The following CDK6 variants were observed in gnomAD, a reference collection of about 807,000 sequenced individuals.
CDK6 encodes cyclin-dependent kinase 6.
Under a neutral mutation model 37.1 loss-of-function variants are expected in CDK6, and 6 were observed. That is an observed-to-expected ratio of 0.16 (90% CI 0.09 to 0.32). The LOEUF (loss-of-function observed/expected upper bound fraction) is 0.32, where lower values mean the gene tolerates loss of function less well. CDK6 is among the 10% of genes least tolerant of loss of function. The pLI is 1.00. For synonymous variants in CDK6, 160 were observed against 161.3 expected, an observed-to-expected ratio of 0.99 and a Z score of 0.06; for missense variants, 224 against 418.9, an observed-to-expected ratio of 0.53 and a Z score of 4.06.
chr7:92,627,296 T>C (rs1321519361), intron 5 of CDK6, among the ~76,000 whole-genome samples: 1 of 152,012 alleles, frequency 6.6e-6, no homozygotes, highest in Admixed American at 6.6e-5. Context: ...GACTAGGGGA[T>C]TTGAGGGAAC....
At chr7:92,795,758 T>C (rs1339231178) in intron 2 of CDK6, among the ~76,000 whole-genome samples, 1 of 152,178 alleles carries the variant, frequency 6.6e-6, no homozygotes, top group Admixed American at 6.6e-5. Flanking sequence ...GATTTTAATA[T>C]CCAGATAGTT....
Position 92,606,576 on chromosome 7 carries a change from T to C in CDK6, c.*8564A>G. ...AGATGAGTATCTGATATACACAATTTCTACATTTCTAGAACCATGATTTCA... is the reference window on the plus strand; with the variant it reads ...AGATGAGTATCTGATATACACAATTCCTACATTTCTAGAACCATGATTTCA... On this transcript the variant is annotated 3_prime_UTR_variant, in exon 8 of 8. Coordinates refer to ENST00000424848, the MANE Select transcript of CDK6 (RefSeq NM_001145306.2). The C allele has an allele frequency of 2.1e-5, 5 of 233,276 alleles. No individual in the cohort carries two copies. The highest frequency in any genetic ancestry group is 4.2e-5 in the Non-Finnish European group (5 of 118,040). 14.5% of individuals were successfully genotyped at this position (233,276 alleles called of 1,614,324 possible). A position where few individuals can be genotyped will look rare whatever the true frequency, so the allele number is the denominator to read the frequency against.
intron 4 of CDK6, among the ~76,000 whole-genome samples, chr7:92,680,805 G>C (rs1485150233): frequency 6.6e-6 from 1 of 152,114 alleles, no homozygotes; most frequent in Non-Finnish European, 1.5e-5. Flanking sequence ...GTCTCTGCAG[G>C]TCCAGATCCT....
intron 2 of CDK6, among the ~76,000 whole-genome samples, chr7:92,814,094 A>G (rs1332851829): frequency 1.3e-5 from 2 of 152,208 alleles, no homozygotes; most frequent in African/African-American, 2.4e-5. Flanking sequence ...GTTTCCCTTA[A>G]GAAAAATCAA....
chr7:92,721,740 A>G (rs1340409828), intron 4 of CDK6, among the ~76,000 whole-genome samples: 1 of 152,216 alleles, frequency 6.6e-6, no homozygotes, highest in Non-Finnish European at 1.5e-5. Context: ...TACAGCTACA[A>G]CTATGGTCCA....
intron 5 of CDK6, among the ~76,000 whole-genome samples, chr7:92,656,133 A>T (rs534580313): frequency 9.8e-4 from 149 of 152,296 alleles, no homozygotes; most frequent in Non-Finnish European, 1.8e-3. Flanking sequence ...AAGGAGGAGA[A>T]CAGGAGCGTG....
chr7:92,752,146 C>T (rs73710472), intron 3 of CDK6, among the ~76,000 whole-genome samples: 2,327 of 152,220 alleles, frequency 0.015, 52 homozygotes, highest in African/African-American at 0.053. Flanking sequence ...AAAATAAGGA[C>T]AGTGCTGCTT....
At chr7:92,628,027 T>A (rs557613392) in intron 5 of CDK6, among the ~76,000 whole-genome samples, 1 of 152,262 alleles carries the variant, frequency 6.6e-6, no homozygotes, top group East Asian at 1.9e-4. Flanking sequence ...TTACCATATA[T>A]TCAATCAAGT....
At chr7:92,701,726 A>C (rs1389583579) in intron 4 of CDK6, 1 of 152,440 alleles carries the variant, frequency 6.6e-6, no homozygotes, top group East Asian at 1.9e-4. Context: ...GGAATGCTTC[A>C]CGAATTTGCG....
At chr7:92,793,818 CAG>C (rs560239377) in intron 2 of CDK6, among the ~76,000 whole-genome samples, 188 of 151,774 alleles carry the variant, frequency 1.2e-3, no homozygotes, top group African/African-American at 4.3e-3. Context: ...TCTACAGAAA[CAG>C]AAAGTAGATT....
chr7:92,830,661 GTCA>G (rs1801453211), intron 2 of CDK6, among the ~76,000 whole-genome samples: 1 of 152,186 alleles, frequency 6.6e-6, no homozygotes, highest in African/African-American at 2.4e-5. Flanking sequence ...GGCCAAGCAA[GTCA>G]TGGGGACCAA....
At chr7:92,705,395 T>C (rs1276517461) in intron 4 of CDK6, among the ~76,000 whole-genome samples, 1 of 152,172 alleles carries the variant, frequency 6.6e-6, no homozygotes, top group East Asian at 1.9e-4. Context: ...TAACCAACCT[T>C]CTCCTACGTT....
At chr7:92,708,076 G>A (rs1347337787) in intron 4 of CDK6, among the ~76,000 whole-genome samples, 1 of 152,062 alleles carries the variant, frequency 6.6e-6, no homozygotes, top group Non-Finnish European at 1.5e-5. Context: ...TTAGCCCCAA[G>A]GAGAGAAAAA....
intron 4 of CDK6, among the ~76,000 whole-genome samples, chr7:92,686,449 T>A (rs1167293053): frequency 6.6e-6 from 1 of 152,172 alleles, no homozygotes; most frequent in Non-Finnish European, 1.5e-5. Flanking sequence ...ATGCCATTAT[T>A]TTGCTCTTTT....
chr7:92,672,099 T>G (rs945144372), intron 4 of CDK6, among the ~76,000 whole-genome samples: 1 of 142,968 alleles, frequency 7.0e-6, no homozygotes, highest in Non-Finnish European at 1.5e-5. Flanking sequence ...AATTCATCCA[T>G]GTAACCCAAA....
intron 2 of CDK6, among the ~76,000 whole-genome samples, chr7:92,778,946 T>TATATATATATATATATATATAAATAA (rs1479181745): frequency 7.4e-6 from 1 of 135,012 alleles, no homozygotes; most frequent in African/African-American, 3.0e-5. Context: ...TATATATATA[T>TATATATATATATATATATATAAATAA]AAGATATTAT....
At chr7:92,631,319 C>G (rs997448349) in intron 5 of CDK6, among the ~76,000 whole-genome samples, 1 of 152,034 alleles carries the variant, frequency 6.6e-6, no homozygotes, top group Non-Finnish European at 1.5e-5. Flanking sequence ...CCAGGAGACT[C>G]AGAGCAAGAG....
At chr7:92,759,572 T>C (rs544477709) in intron 3 of CDK6, among the ~76,000 whole-genome samples, 2 of 152,028 alleles carry the variant, frequency 1.3e-5, no homozygotes, top group Admixed American at 1.3e-4. Flanking sequence ...ACCAAAACTA[T>C]GGGTATTTAT....
rs552281319 is a variant in CDK6, at chr7:92,654,575, C to A, written c.647+16851G>T. ...GTCCCCACTTACTAAATATCCCATT[C>A]TTCTCACCTCCAGACCCCTAGTTCC... is the stretch of plus-strand genomic sequence containing the variant. On this transcript the variant is annotated intron_variant, in intron 5 of 7. Coordinates refer to ENST00000424848, the MANE Select transcript of CDK6 (RefSeq NM_001145306.2). Among the ~76,000 whole-genome samples the A allele has an allele frequency of 5.3e-5, 8 of 152,248 alleles. No individual in the cohort carries two copies. In the South Asian group the frequency reaches 1.7e-3, roughly 32 times the overall value.
Sources: gnomAD v4.1 joint callset for allele counts (sites outside exome capture counted in the v4.1 genomes callset) on GRCh38, gnomAD v4.1.1 for gene constraint, MANE v1.5 for transcripts, NCBI Gene and HGNC (gene_info 2026-07-23, HGNC 2026-07-21) for gene names.